The following NR5A2 variants were observed in gnomAD, a reference collection of about 807,000 sequenced individuals.
NR5A2 encodes the protein CYP7A promoter-binding factor.
NR5A2 carries 26 observed loss-of-function variants against 62.7 expected under a neutral mutation model. The ratio of observed to expected loss-of-function variants is 0.41; its 90% confidence interval spans 0.30 to 0.58. The LOEUF (loss-of-function observed/expected upper bound fraction) is 0.58. Ranked by LOEUF, NR5A2 falls within the 20% of genes least tolerant of loss-of-function variation. The pLI, the probability that NR5A2 is intolerant of heterozygous loss-of-function variation, is 0.22. For synonymous variants in NR5A2, 246 were observed against 241.7 expected (o/e 1.02, Z -0.16); for missense variants, 541 against 669.1 (o/e 0.81, Z 2.11).
intron 7 of NR5A2, among the ~76,000 whole-genome samples, chr1:200,163,489 T>G (rs971400478): frequency 1.3e-5 from 2 of 150,890 alleles, no homozygotes; most frequent in African/African-American, 4.9e-5. Context: ...GTTTATTGTT[T>G]TTTTTTTTTT....
At chr1:200,169,852 A>G (rs1654090399) in intron 7 of NR5A2, among the ~76,000 whole-genome samples, 1 of 152,234 alleles carries the variant, frequency 6.6e-6, no homozygotes, top group Non-Finnish European at 1.5e-5. Context: ...TATGAAAATG[A>G]AGCTTATATA....
At chr1:200,114,217 G>GATAT (rs751507322) in intron 6 of NR5A2, among the ~76,000 whole-genome samples, 2 of 61,376 alleles carry the variant, frequency 3.3e-5, no homozygotes, top group African/African-American at 8.8e-5. Context: ...GAAGCTAGAA[G>GATAT]ATATATATAT....
chr1:200,088,209 G>GT lies in NR5A2; in HGVS notation c.1111-22984dup, dbSNP rs537890198. Among the ~76,000 whole-genome samples, 980 of 150,824 alleles carry GT rather than the reference G, an allele frequency of 6.5e-3. 8 individuals are homozygous for GT. The highest frequency in any genetic ancestry group is 0.021 in the African/African-American group (863 of 41,138). On this transcript the variant is annotated intron_variant, in intron 5 of 7. Coordinates refer to ENST00000367362, the MANE Select transcript of NR5A2 (RefSeq NM_205860.3). The stretch of plus-strand genomic sequence containing the variant: ...CGTGAGCCATGGTGCCCAGCCCCTT[G>GT]TTTTTTTTTGTTGTTGTTGTTTTTG...
At chr1:200,069,533 C>T (rs539052335) in intron 5 of NR5A2, among the ~76,000 whole-genome samples, 4 of 152,210 alleles carry the variant, frequency 2.6e-5, no homozygotes, top group African/African-American at 4.8e-5. Context: ...GGATTACAGG[C>T]GTGAGCCACC....
intron 5 of NR5A2, among the ~76,000 whole-genome samples, chr1:200,095,623 G>T (rs888208449): frequency 6.6e-6 from 1 of 151,886 alleles, no homozygotes; most frequent in African/African-American, 2.4e-5. Flanking sequence ...TGCCATCTCA[G>T]CTCACTCCAA....
At chr1:200,156,347 T>C (rs1653383490) in intron 7 of NR5A2, among the ~76,000 whole-genome samples, 1 of 152,244 alleles carries the variant, frequency 6.6e-6, no homozygotes, top group Admixed American at 6.5e-5. Context: ...GACTTCACGA[T>C]GCTGCAAAGC....
At chr1:200,038,775 A>G (rs1661901831) in intron 1 of NR5A2, 1 of 1,350,886 alleles carries the variant, frequency 7.4e-7, no homozygotes, top group South Asian at 1.2e-5. Flanking sequence ...GACTAGCTGT[A>G]AGACCCGGCT....
chr1:200,152,489 A>C (rs1448948119), intron 7 of NR5A2, among the ~76,000 whole-genome samples: 1 of 152,240 alleles, frequency 6.6e-6, no homozygotes, highest in Non-Finnish European at 1.5e-5. Context: ...GAATGTTAAG[A>C]AACTACAAAA....
In NR5A2 at chr1:200,174,531, C is replaced by A; in HGVS notation, c.*321C>A. ...ACGGTCAGAAGAAAAACGGACAGAA[C>A]GGTTCTTGTATATTTAAACTGATCT... is the stretch of plus-strand genomic sequence containing the variant. On this transcript the variant is annotated 3_prime_UTR_variant, in exon 8 of 8. Coordinates refer to ENST00000367362, the MANE Select transcript of NR5A2 (RefSeq NM_205860.3). 5.5e-6 allele frequency: 1 copy of A among 182,940 alleles called. No individual in the cohort carries two copies. Among genetic ancestry groups the A allele is most frequent in the Non-Finnish European group, 1.1e-5 (1 of 88,678 alleles). 11.3% of individuals were successfully genotyped at this position (182,940 alleles called of 1,614,324 possible). A position where few individuals can be genotyped will look rare whatever the true frequency, so the allele number is the denominator to read the frequency against.
chr1:200,079,798 C>CA, intron 5 of NR5A2, among the ~76,000 whole-genome samples: 1 of 151,966 alleles, frequency 6.6e-6, no homozygotes, highest in East Asian at 1.9e-4. Flanking sequence ...CCTTTTGAAC[C>CA]GTGAGGCAAG....
intron 7 of NR5A2, among the ~76,000 whole-genome samples, chr1:200,163,756 A>T (rs1156233783): frequency 6.6e-6 from 1 of 152,192 alleles, no homozygotes; most frequent in Non-Finnish European, 1.5e-5. Context: ...CTGGGATTAC[A>T]AGCGTGAGCC....
chr1:200,073,235 C>CATATATATATAT (rs3033980), intron 5 of NR5A2, among the ~76,000 whole-genome samples: 43 of 105,872 alleles, frequency 4.1e-4, no homozygotes, highest in Middle Eastern at 5.2e-3. Context: ...CATTTACATA[C>CATATATATATAT]ATATATATAT....
chr1:200,038,823 G>A, intron 1 of NR5A2: 2 of 1,220,026 alleles, frequency 1.6e-6, no homozygotes, highest in Non-Finnish European at 2.2e-6. Context: ...GGGTGGGGTG[G>A]GAGGGGGTGA....
intron 5 of NR5A2, among the ~76,000 whole-genome samples, chr1:200,089,489 G>A (rs1338595197): frequency 6.6e-6 from 1 of 151,376 alleles, no homozygotes; most frequent in African/African-American, 2.4e-5. Flanking sequence ...TCTTTCTTTT[G>A]AGAAGGAATC....
At chr1:200,128,367 A>G (rs913282546) in intron 7 of NR5A2, among the ~76,000 whole-genome samples, 1 of 152,148 alleles carries the variant, frequency 6.6e-6, no homozygotes, top group Non-Finnish European at 1.5e-5. Flanking sequence ...TGGGTTTCAG[A>G]GCTCCAGCAA....
chr1:200,052,935 C>T (rs774909685), intron 5 of NR5A2, among the ~76,000 whole-genome samples: 17 of 152,308 alleles, frequency 1.1e-4, no homozygotes, highest in Admixed American at 2.6e-4. Context: ...CCACCGCACC[C>T]GGCCTACCTC....
chr1:200,152,204 G>T (rs1047396212), intron 7 of NR5A2, among the ~76,000 whole-genome samples: 5 of 152,184 alleles, frequency 3.3e-5, no homozygotes, highest in African/African-American at 1.2e-4. Context: ...AACATAAAGA[G>T]ATTTCCAAAG....
At chr1:200,151,661 G>A (rs1158981863) in intron 7 of NR5A2, among the ~76,000 whole-genome samples, 3 of 152,324 alleles carry the variant, frequency 2.0e-5, no homozygotes, top group East Asian at 3.9e-4. Flanking sequence ...TGGACAGGAG[G>A]CATTATCATG....
chr1:200,087,957 G>T (rs571471233), intron 5 of NR5A2, among the ~76,000 whole-genome samples: 64 of 152,084 alleles, frequency 4.2e-4, no homozygotes, highest in Non-Finnish European at 8.2e-4. Flanking sequence ...CACCATGTTG[G>T]CCAGGCCAGT....
Sources: gnomAD v4.1 joint callset for allele counts (sites outside exome capture counted in the v4.1 genomes callset) on GRCh38, gnomAD v4.1.1 for gene constraint, MANE v1.5 for transcripts, NCBI Gene and HGNC (gene_info 2026-07-23, HGNC 2026-07-21) for gene names.